Variants in ENTREP2 observed in about 807,000 individuals in gnomAD.
ENTREP2 encodes the protein endosomal transmembrane epsin interactor 2.
the ENTREP2 span, chr15:29,269,079 G>A: frequency 3.1e-6 from 5 of 1,614,018 alleles, no homozygotes; most frequent in African/African-American, 2.7e-5. Flanking sequence ...GCTTCTTGGT[G>A]GGGTAGACCC....
chr15:29,314,630 T>G, the ENTREP2 span, among the ~76,000 whole-genome samples: 36 of 152,326 alleles, frequency 2.4e-4, 1 homozygote, highest in South Asian at 6.0e-3. Flanking sequence ...ACTAAAAAAT[T>G]GGTGACTTGC....
chr15:29,675,346 C>A, the ENTREP2 span: 1 of 152,334 alleles, frequency 6.6e-6, no homozygotes, highest in South Asian at 2.1e-4. Flanking sequence ...GGCTCCTGGC[C>A]GCCGCGAGCC....
the ENTREP2 span, among the ~76,000 whole-genome samples, chr15:29,205,219 T>C: frequency 0.018 from 2,765 of 152,314 alleles, 52 homozygotes; most frequent in African/African-American, 0.048. Flanking sequence ...ATAATTCATC[T>C]GTAGATGGAC....
the ENTREP2 span, among the ~76,000 whole-genome samples, chr15:29,569,173 T>G: frequency 6.6e-6 from 1 of 152,210 alleles, no homozygotes; most frequent in African/African-American, 2.4e-5. Context: ...ACCTCCTCTC[T>G]TTTCTTTGAA....
chr15:29,293,954 T>C, the ENTREP2 span, among the ~76,000 whole-genome samples: 2 of 151,998 alleles, frequency 1.3e-5, no homozygotes, highest in Non-Finnish European at 2.9e-5. Context: ...GGGGGGAGAT[T>C]GTCTGGGAAG....
At chr15:29,132,103 A>G in the ENTREP2 span, among the ~76,000 whole-genome samples, 12 of 152,074 alleles carry the variant, frequency 7.9e-5, no homozygotes, top group African/African-American at 2.9e-4. Flanking sequence ...CGCCTTCTGC[A>G]GCCTCCTCTC....
the ENTREP2 span, among the ~76,000 whole-genome samples, chr15:29,546,998 A>C: frequency 1.3e-5 from 2 of 152,012 alleles, no homozygotes. Flanking sequence ...GAAAGGGATA[A>C]AGAAGACAGG....
the ENTREP2 span, among the ~76,000 whole-genome samples, chr15:29,327,836 T>G: frequency 6.6e-6 from 1 of 152,192 alleles, no homozygotes; most frequent in African/African-American, 2.4e-5. Context: ...CAACAGGAAT[T>G]TTTATCCATT....
chr15:29,620,230 C>A, the ENTREP2 span, among the ~76,000 whole-genome samples: 1 of 152,146 alleles, frequency 6.6e-6, no homozygotes, highest in African/African-American at 2.4e-5. Flanking sequence ...CTGGGAAGCA[C>A]CTGTCAGGTG....
At chr15:29,451,129 T>A in the ENTREP2 span, among the ~76,000 whole-genome samples, 1 of 151,908 alleles carries the variant, frequency 6.6e-6, no homozygotes, top group Non-Finnish European at 1.5e-5. Flanking sequence ...TGTTAACAGC[T>A]CCAAATAAGT....
At chr15:29,450,122 A>G in the ENTREP2 span, among the ~76,000 whole-genome samples, 1 of 151,984 alleles carries the variant, frequency 6.6e-6, no homozygotes, top group African/African-American at 2.4e-5. Context: ...ACATTTGTTT[A>G]AGTTCCTTGT....
chr15:29,489,844 C>G, the ENTREP2 span, among the ~76,000 whole-genome samples: 7 of 152,182 alleles, frequency 4.6e-5, no homozygotes, highest in Non-Finnish European at 1.0e-4. Flanking sequence ...CGCAGTTCTT[C>G]CAACTAGGCT....
the ENTREP2 span, among the ~76,000 whole-genome samples, chr15:29,511,453 C>A: frequency 6.6e-6 from 1 of 152,038 alleles, no homozygotes; most frequent in African/African-American, 2.4e-5. Context: ...CTCAGCCTCC[C>A]AAGTAACTGG....
chr15:29,475,325 C>T, the ENTREP2 span, among the ~76,000 whole-genome samples: 2 of 152,116 alleles, frequency 1.3e-5, no homozygotes, highest in African/African-American at 4.8e-5. Flanking sequence ...AGCAGGAAGG[C>T]CCACCCTGCC....
At chr15:29,368,414 A>C in the ENTREP2 span, among the ~76,000 whole-genome samples, 15 of 152,048 alleles carry the variant, frequency 9.9e-5, 1 homozygote, top group Middle Eastern at 0.01. Flanking sequence ...ACACACACAT[A>C]TATGACCCCT....
the ENTREP2 span, among the ~76,000 whole-genome samples, chr15:29,551,738 AT>A: frequency 6.6e-6 from 1 of 151,910 alleles, no homozygotes; most frequent in Non-Finnish European, 1.5e-5. Flanking sequence ...AAACCCCAGT[AT>A]TAAAATACTC....
the ENTREP2 span, among the ~76,000 whole-genome samples, chr15:29,284,370 C>T: frequency 6.6e-6 from 1 of 151,844 alleles, no homozygotes; most frequent in Admixed American, 6.6e-5. Context: ...CCAGCCTGGC[C>T]AACATGGTGA....
chr15:29,404,584 T>C, the ENTREP2 span, among the ~76,000 whole-genome samples: 1 of 151,680 alleles, frequency 6.6e-6, no homozygotes, highest in Admixed American at 6.6e-5. Context: ...ACTCCCCAGC[T>C]GCTCGTTAGT....
At chr15:29,666,501 A>G in the ENTREP2 span, among the ~76,000 whole-genome samples, 3 of 151,686 alleles carry the variant, frequency 2.0e-5, no homozygotes, top group Non-Finnish European at 4.4e-5. Context: ...TTCTCTCCCA[A>G]ATTCTATTTT....
Sources: allele counts gnomAD v4.1 joint callset (sites outside exome capture counted in the v4.1 genomes callset), GRCh38; gene constraint gnomAD v4.1.1; transcripts MANE v1.5; gene names NCBI Gene and HGNC (gene_info 2026-07-23, HGNC 2026-07-21).